Variants in NAV2 observed in about 807,000 individuals in gnomAD.
NAV2 encodes helicase, APC down-regulated 1.
Under a neutral mutation model 223.2 loss-of-function variants are expected in NAV2, and 54 were observed. That is an observed-to-expected ratio of 0.24 (90% CI 0.19 to 0.30). The LOEUF is 0.30. Among genes scored for constraint, NAV2 ranks in the 10% least tolerant of loss-of-function variants. NAV2 has a pLI of 1.00. For synonymous variants in NAV2, 1,279 were observed against 1,239.3 expected, an observed-to-expected ratio of 1.03 and a Z score of -0.67; for missense variants, 2,806 against 3,147.5, an observed-to-expected ratio of 0.89 and a Z score of 2.60.
intron 1 of NAV2, among the ~76,000 whole-genome samples, chr11:19,752,823 A>G (rs558622123): frequency 6.6e-6 from 1 of 152,270 alleles, no homozygotes; most frequent in Admixed American, 6.5e-5. Context: ...TATTCACTTC[A>G]ATCATTGTAA....
At chr11:19,465,538 T>C (rs1852320668) in intron 1 of NAV2, among the ~76,000 whole-genome samples, 2 of 152,202 alleles carry the variant, frequency 1.3e-5, no homozygotes. Context: ...AGTAAAAATA[T>C]CTGACCTTTT....
chr11:19,957,343 T>A (rs1235631778), intron 10 of NAV2, among the ~76,000 whole-genome samples: 1 of 152,242 alleles, frequency 6.6e-6, no homozygotes, highest in African/African-American at 2.4e-5. Flanking sequence ...TGGTGTTAAA[T>A]ATCCCAGGCA....
intron 10 of NAV2, among the ~76,000 whole-genome samples, chr11:19,966,611 C>A (rs2153420133): frequency 6.6e-6 from 1 of 152,288 alleles, no homozygotes; most frequent in African/African-American, 2.4e-5. Context: ...TGTAACTGAG[C>A]CTTTGCATGA....
chr11:19,610,430 G>A (rs2046604915), intron 1 of NAV2, among the ~76,000 whole-genome samples: 1 of 152,220 alleles, frequency 6.6e-6, no homozygotes, highest in Non-Finnish European at 1.5e-5. Flanking sequence ...CTACATAGAT[G>A]TGGGCTACAG....
At chr11:19,355,489 C>T (rs1437470666) in intron 1 of NAV2, among the ~76,000 whole-genome samples, 1 of 152,100 alleles carries the variant, frequency 6.6e-6, no homozygotes, top group Non-Finnish European at 1.5e-5. Context: ...CATATTTGCC[C>T]CATCAACCTC....
chr11:19,736,729 T>C lies in NAV2; in HGVS notation c.267+22767T>C, dbSNP rs377297825. On this transcript the variant is annotated intron_variant, in intron 1 of 37. Transcript: ENST00000349880. ...TCTGGTGCCTCCAAAGCCCAGGAACTCATGACATCTCTTCCCCCAACTCTG... is the reference window on the plus strand; with the variant it reads ...TCTGGTGCCTCCAAAGCCCAGGAACCCATGACATCTCTTCCCCCAACTCTG... Among the ~76,000 whole-genome samples, 59 of 152,336 alleles carry C rather than the reference T, an allele frequency of 3.9e-4. No individual in the cohort carries two copies. In the South Asian group the frequency reaches 0.012, roughly 30 times the overall value.
At chr11:19,534,645 G>A (rs1286732353) in intron 1 of NAV2, among the ~76,000 whole-genome samples, 2 of 152,198 alleles carry the variant, frequency 1.3e-5, no homozygotes, top group Non-Finnish European at 2.9e-5. Context: ...TGGCTCCCAG[G>A]GAGCAGGGAA....
chr11:19,663,245 CAT>C (rs2048332715), intron 1 of NAV2, among the ~76,000 whole-genome samples: 1 of 152,140 alleles, frequency 6.6e-6, no homozygotes, highest in Non-Finnish European at 1.5e-5. Flanking sequence ...GAATATTAGA[CAT>C]GGTGTGTGTA....
chr11:20,089,044 C>G (rs1274357736), intron 26 of NAV2, among the ~76,000 whole-genome samples: 1 of 152,060 alleles, frequency 6.6e-6, no homozygotes, highest in African/African-American at 2.4e-5. Flanking sequence ...CAGTAAACCT[C>G]ACAAACCACA....
At chr11:19,525,950 G>C (rs1417652447) in intron 1 of NAV2, among the ~76,000 whole-genome samples, 2 of 152,096 alleles carry the variant, frequency 1.3e-5, no homozygotes, top group African/African-American at 2.4e-5. Context: ...CCCAGGTCTC[G>C]GGGACAGGTC....
intron 1 of NAV2, among the ~76,000 whole-genome samples, chr11:19,705,824 AG>A (rs1224216756): frequency 2.6e-5 from 4 of 152,148 alleles, no homozygotes; most frequent in Admixed American, 1.3e-4. Flanking sequence ...TGTCCTCCTC[AG>A]TAGGCTCTTC....
upstream of NAV2, among the ~76,000 whole-genome samples, chr11:19,709,270 C>T (rs149287203): frequency 3.8e-3 from 583 of 152,148 alleles, 5 homozygotes; most frequent in African/African-American, 0.013. Context: ...GGGCCAGGCA[C>T]GGTGGCTCAC....
At chr11:19,580,037 T>C (rs2045671377) in intron 1 of NAV2, among the ~76,000 whole-genome samples, 1 of 152,180 alleles carries the variant, frequency 6.6e-6, no homozygotes, top group African/African-American at 2.4e-5. Flanking sequence ...TATGCAGACT[T>C]TATGACTTTG....
At position 19,823,509 on chromosome 11, in the gene NAV2, A is replaced by G. The variant is rs527532595; in HGVS notation, c.268-8975A>G. On this transcript the variant is annotated intron_variant, in intron 1 of 37. Transcript: ENST00000349880. The stretch of plus-strand genomic sequence containing the variant: ...AGGCGTGAGCCACCGTGCCCAGCCT[A>G]TTTCTTATTTTTGTAGAGACAGGGT... Among the ~76,000 whole-genome samples, 10 of 151,920 alleles carry G rather than the reference A, an allele frequency of 6.6e-5. No individual in the cohort carries two copies. In the South Asian group the frequency reaches 1.7e-3, roughly 25 times the overall value.
At chr11:20,095,631 A>C (rs1339573187) in intron 29 of NAV2, 41 bp from the exon 30 acceptor site, 1 of 1,426,588 alleles carries the variant, frequency 7.0e-7, no homozygotes, top group East Asian at 2.3e-5. Context: ...GTCAGAAAAG[A>C]TCCACCTGTT....
At chr11:19,875,711 A>G (rs996316036) in intron 4 of NAV2, among the ~76,000 whole-genome samples, 3 of 152,254 alleles carry the variant, frequency 2.0e-5, no homozygotes, top group Admixed American at 1.3e-4. Context: ...TGCTAAATTT[A>G]CTAAATATCA....
chr11:19,667,915 T>A (rs900167195), intron 1 of NAV2, among the ~76,000 whole-genome samples: 2 of 152,206 alleles, frequency 1.3e-5, no homozygotes, highest in Admixed American at 6.5e-5. Flanking sequence ...CAGTTACACA[T>A]CTCAAGGTGT....
At chr11:19,477,462 A>T (rs2042153586) in intron 1 of NAV2, among the ~76,000 whole-genome samples, 1 of 152,248 alleles carries the variant, frequency 6.6e-6, no homozygotes, top group African/African-American at 2.4e-5. Context: ...CCTACAAGTA[A>T]CAAAATCCCC....
At position 19,890,390 on chromosome 11, in the gene NAV2, A is replaced by T. The variant is rs1336768962; in HGVS notation, c.771-2044A>T. 2.0e-5 allele frequency among the ~76,000 whole-genome samples: 3 copies of T among 152,298 alleles called. No homozygotes were observed. The East Asian group carries it at 5.8e-4, about 29-fold the overall frequency. Reference sequence around the variant, plus strand: ...CTGTCCTAAAAATCTGCTGTGGTTCAGCCTAGGGTCAGCACAGCAGGGGCT... The same window carrying T: ...CTGTCCTAAAAATCTGCTGTGGTTCTGCCTAGGGTCAGCACAGCAGGGGCT... On this transcript the variant is annotated intron_variant, in intron 5 of 37. Transcript: ENST00000349880.
Sources: allele counts gnomAD v4.1 joint callset (sites outside exome capture counted in the v4.1 genomes callset), GRCh38; gene constraint gnomAD v4.1.1; transcripts MANE v1.5; gene names NCBI Gene and HGNC (gene_info 2026-07-23, HGNC 2026-07-21).